GSK3B: variants seen among roughly 807,000 people sequenced by gnomAD.
GSK3B encodes glycogen synthase kinase-3 beta.
Under a neutral mutation model 56.4 loss-of-function variants are expected in GSK3B, and 15 were observed. The ratio of observed to expected loss-of-function variants is 0.27; its 90% CI spans 0.18 to 0.41. The LOEUF is 0.41. Among genes scored for constraint, GSK3B ranks in the 10% least tolerant of loss-of-function variants. GSK3B has a pLI of 1.00. For missense variants in GSK3B, 300 were observed against 513.4 expected (o/e 0.58, Z 4.02); for synonymous variants, 181 against 188.9 (o/e 0.96, Z 0.34).
chr3:119,966,397 A>C (rs896541277), intron 2 of GSK3B, among the ~76,000 whole-genome samples: 13 of 152,232 alleles, frequency 8.5e-5, no homozygotes, highest in Non-Finnish European at 1.5e-4. Context: ...AAAAAACTTA[A>C]AATGATTATT....
chr3:119,849,971 T>C (rs1228332873), intron 9 of GSK3B, among the ~76,000 whole-genome samples: 2 of 152,142 alleles, frequency 1.3e-5, no homozygotes, highest in Non-Finnish European at 1.5e-5. Context: ...AGATTACTTA[T>C]AATACCGAAT....
chr3:119,979,774 T>C (rs1366461836), intron 2 of GSK3B, among the ~76,000 whole-genome samples: 1 of 152,310 alleles, frequency 6.6e-6, no homozygotes, highest in Non-Finnish European at 1.5e-5. Context: ...TGGGATTCCT[T>C]TGGAAAAGAG....
At chr3:120,087,251 G>A (rs898122851) in intron 1 of GSK3B, among the ~76,000 whole-genome samples, 8 of 152,082 alleles carry the variant, frequency 5.3e-5, no homozygotes, top group Non-Finnish European at 8.8e-5. Flanking sequence ...AATTTAGTTC[G>A]GCCACATGTG....
At chr3:120,065,378 C>G (rs1007787810) in intron 1 of GSK3B, among the ~76,000 whole-genome samples, 7 of 151,992 alleles carry the variant, frequency 4.6e-5, no homozygotes, top group Non-Finnish European at 1.0e-4. Context: ...TGCTCTACAT[C>G]GATAGTCATT....
chr3:119,854,736 G>A (rs2055992200), intron 9 of GSK3B, among the ~76,000 whole-genome samples: 1 of 152,210 alleles, frequency 6.6e-6, no homozygotes, highest in Admixed American at 6.5e-5. Flanking sequence ...TCTGATGGCA[G>A]TTTGTATTTC....
chr3:119,910,895 C>G (rs1200574694), intron 6 of GSK3B, among the ~76,000 whole-genome samples: 2 of 152,182 alleles, frequency 1.3e-5, no homozygotes, highest in African/African-American at 4.8e-5. Flanking sequence ...AAAGAAGCAA[C>G]TTGTTTATGT....
intron 9 of GSK3B, among the ~76,000 whole-genome samples, chr3:119,850,069 G>GT (rs1044983235): frequency 1.1e-4 from 14 of 130,872 alleles, no homozygotes; most frequent in African/African-American, 3.5e-4. Flanking sequence ...ATGTATGTAT[G>GT]TATGTAAAAA....
chr3:119,885,248 C>CAAATA (rs57760854), intron 7 of GSK3B, among the ~76,000 whole-genome samples: 12,194 of 143,796 alleles, frequency 0.085, 590 homozygotes, highest in African/African-American at 0.13. Flanking sequence ...ACAATAGCCA[C>CAAATA]AAATAAAATA....
intron 1 of GSK3B, among the ~76,000 whole-genome samples, chr3:120,033,617 C>A (rs1248059182): frequency 6.6e-6 from 1 of 152,050 alleles, no homozygotes; most frequent in Non-Finnish European, 1.5e-5. Context: ...CTCTGTGTCC[C>A]CACCCAAATC....
intron 3 of GSK3B, among the ~76,000 whole-genome samples, chr3:119,943,800 G>C (rs532188757): frequency 6.6e-6 from 1 of 151,618 alleles, no homozygotes; most frequent in Non-Finnish European, 1.5e-5. Context: ...AGAAGAGAGA[G>C]ACAAGAAAGA....
At chr3:120,075,320 A>G (rs1360020323) in intron 1 of GSK3B, among the ~76,000 whole-genome samples, 1 of 152,188 alleles carries the variant, frequency 6.6e-6, no homozygotes, top group African/African-American at 2.4e-5. Context: ...GACCTGATAC[A>G]AGGCAAAGAT....
At chr3:120,011,777 T>C (rs2057780542) in intron 1 of GSK3B, among the ~76,000 whole-genome samples, 1 of 152,232 alleles carries the variant, frequency 6.6e-6, no homozygotes. Flanking sequence ...ATTAGCCAAC[T>C]TGGCAATAAG....
At chr3:119,960,081 A>G (rs1019427026) in intron 2 of GSK3B, among the ~76,000 whole-genome samples, 2 of 150,812 alleles carry the variant, frequency 1.3e-5, no homozygotes, top group Non-Finnish European at 2.9e-5. Flanking sequence ...AATACTACTC[A>G]GCAATAAAAA....
At chr3:119,968,178 T>A (rs965400649) in intron 2 of GSK3B, among the ~76,000 whole-genome samples, 16 of 152,126 alleles carry the variant, frequency 1.1e-4, no homozygotes, top group African/African-American at 3.6e-4. Flanking sequence ...TAATGTTTCA[T>A]AAAGATAGGG....
At chr3:119,927,140 C>T (rs1672195000) in intron 3 of GSK3B, among the ~76,000 whole-genome samples, 1 of 152,088 alleles carries the variant, frequency 6.6e-6, no homozygotes, top group African/African-American at 2.4e-5. Flanking sequence ...GGGCAATGGG[C>T]ATTTTAAAAA....
chr3:120,004,936 G>A (rs1021133981), intron 1 of GSK3B, among the ~76,000 whole-genome samples: 6 of 152,164 alleles, frequency 3.9e-5, no homozygotes, highest in Middle Eastern at 3.2e-3. Flanking sequence ...TTGACAAGAT[G>A]ACAGAAGTAG....
intron 1 of GSK3B, among the ~76,000 whole-genome samples, chr3:120,061,609 A>T (rs191730312): frequency 1.5e-3 from 232 of 152,344 alleles, no homozygotes; most frequent in Middle Eastern, 3.4e-3. Flanking sequence ...AAATTTTCAT[A>T]AACAGTCAGG....
intron 2 of GSK3B, among the ~76,000 whole-genome samples, chr3:119,988,565 G>T (rs946887136): frequency 6.6e-6 from 1 of 152,208 alleles, no homozygotes; most frequent in African/African-American, 2.4e-5. Context: ...AATGCCCTTG[G>T]AAAACTGGCC....
At chr3:120,086,524 G>A (rs1055589415) in intron 1 of GSK3B, among the ~76,000 whole-genome samples, 1 of 152,154 alleles carries the variant, frequency 6.6e-6, no homozygotes, top group Non-Finnish European at 1.5e-5. Context: ...TCAGATGGGT[G>A]CAGTGGCTCA....
Sources: allele counts gnomAD v4.1 joint callset (sites outside exome capture counted in the v4.1 genomes callset), GRCh38; gene constraint gnomAD v4.1.1; transcripts MANE v1.5; gene names NCBI Gene and HGNC (gene_info 2026-07-23, HGNC 2026-07-21).